Variants in MARCHF1 observed in about 807,000 individuals in gnomAD.
MARCHF1 encodes the protein membrane associated ring-CH-type finger 1.
In MARCHF1, 40 loss-of-function variants were observed where a neutral mutation model predicts 54.2. The ratio of observed to expected loss-of-function variants is 0.74; its 90% CI spans 0.57 to 0.96. MARCHF1 has a LOEUF of 0.96. Ranked by LOEUF, MARCHF1 falls within the 40% of genes least tolerant of loss-of-function variation. The probability of loss-of-function intolerance (pLI) is 0.00; values close to 1 mark genes in which losing one functional copy is unlikely to be tolerated. For synonymous variants in MARCHF1, 236 were observed against 236.3 expected, an observed-to-expected ratio of 1.00 and a Z score of 0.01; for missense variants, 586 against 656.5, an observed-to-expected ratio of 0.89 and a Z score of 1.17.
intron 1 of MARCHF1, among the ~76,000 whole-genome samples, chr4:164,370,766 G>T (rs868226207): frequency 6.6e-6 from 1 of 152,210 alleles, no homozygotes; most frequent in Middle Eastern, 3.4e-3. Context: ...AAATTAGCTG[G>T]GCGTGATAGC....
rs540495886 is a variant in MARCHF1 at position 163,832,526 on chromosome 4, TA to T, written c.111+21494del. Among the ~76,000 whole-genome samples the T allele has an allele frequency of 5.7e-3, 862 of 152,062 alleles. 8 individuals are homozygous for T. The highest frequency in any genetic ancestry group is 0.02 in the African/African-American group (820 of 41,518). On this transcript the variant is annotated intron_variant, in intron 4 of 9. Coordinates refer to ENST00000514618, the MANE Select transcript of MARCHF1 (RefSeq NM_001394959.1). The stretch of plus-strand genomic sequence containing the variant: ...AACTAGAAAGGTCTAGTAAAAACTC[TA>T]AAAACTTGACAAATTAAATTAGTTT...
intron 1 of MARCHF1, among the ~76,000 whole-genome samples, chr4:164,241,354 CT>C (rs1284544786): frequency 3.3e-5 from 5 of 152,280 alleles, no homozygotes; most frequent in Non-Finnish European, 7.4e-5. Flanking sequence ...TAAGCTCTTT[CT>C]TTGCTGCAAC....
chr4:163,830,470 G>A (rs1017097558), intron 4 of MARCHF1, among the ~76,000 whole-genome samples: 9 of 152,238 alleles, frequency 5.9e-5, no homozygotes, highest in Middle Eastern at 3.4e-3. Context: ...GAGAAGTAGC[G>A]CAAGAGCTGG....
chr4:163,667,517 T>C (rs1341071697), intron 5 of MARCHF1, among the ~76,000 whole-genome samples: 2 of 152,178 alleles, frequency 1.3e-5, no homozygotes, highest in African/African-American at 4.8e-5. Context: ...TCAGTTAAGA[T>C]TGGAATTATG....
intron 4 of MARCHF1, among the ~76,000 whole-genome samples, chr4:163,742,615 C>A (rs1409065689): frequency 6.6e-6 from 1 of 151,380 alleles, no homozygotes; most frequent in Non-Finnish European, 1.5e-5. Context: ...TAGCTTGGAC[C>A]ACAGGTGCAC....
At chr4:164,186,047 C>T (rs976244215) in intron 1 of MARCHF1, among the ~76,000 whole-genome samples, 7 of 152,126 alleles carry the variant, frequency 4.6e-5, no homozygotes, top group Non-Finnish European at 4.4e-5. Context: ...CGCCTGCCAC[C>T]ACAACCAGCT....
At chr4:163,550,267 G>T in intron 8 of MARCHF1, among the ~76,000 whole-genome samples, 1 of 136,168 alleles carries the variant, frequency 7.3e-6, no homozygotes, top group Admixed American at 7.7e-5. Context: ...CGGCGACAGA[G>T]CGAGACTCCG....
intron 1 of MARCHF1, among the ~76,000 whole-genome samples, chr4:164,141,130 C>T (rs576898186): frequency 2.6e-5 from 4 of 152,338 alleles, no homozygotes; most frequent in Non-Finnish European, 4.4e-5. Flanking sequence ...CTGGGGAGAA[C>T]TAATCAGCAG....
At chr4:163,616,718 A>AAC (rs139197153) in intron 5 of MARCHF1, among the ~76,000 whole-genome samples, 8,117 of 150,902 alleles carry the variant, frequency 0.054, 411 homozygotes, top group East Asian at 0.2. Flanking sequence ...TGTCTCTGAA[A>AAC]ACACACACAC....
chr4:163,882,258 T>C (rs1750432571), intron 3 of MARCHF1, among the ~76,000 whole-genome samples: 2 of 152,198 alleles, frequency 1.3e-5, no homozygotes, highest in Admixed American at 1.3e-4. Context: ...GGGTAATAAT[T>C]GGGCCAGTGA....
At chr4:163,540,721 A>G (rs1399550059) in intron 9 of MARCHF1, among the ~76,000 whole-genome samples, 1 of 152,182 alleles carries the variant, frequency 6.6e-6, no homozygotes, top group Non-Finnish European at 1.5e-5. Flanking sequence ...GTGATTAATC[A>G]TTGTATTGAA....
intron 3 of MARCHF1, among the ~76,000 whole-genome samples, chr4:163,948,194 A>G (rs1752060951): frequency 6.6e-6 from 1 of 152,042 alleles, no homozygotes; most frequent in Admixed American, 6.6e-5. Flanking sequence ...ATATCCTAAA[A>G]TGGCATCACA....
chr4:164,249,152 C>T (rs1308941473), intron 1 of MARCHF1, among the ~76,000 whole-genome samples: 1 of 151,974 alleles, frequency 6.6e-6, no homozygotes, highest in Non-Finnish European at 1.5e-5. Flanking sequence ...GAAGAAGATA[C>T]AGATTCTGCC....
chr4:164,319,885 C>A (rs1346151365), intron 1 of MARCHF1, among the ~76,000 whole-genome samples: 2 of 152,086 alleles, frequency 1.3e-5, no homozygotes, highest in East Asian at 1.9e-4. Flanking sequence ...CAGAGAATGG[C>A]AGAGAACAAA....
chr4:164,370,811 G>A (rs1731017601), intron 1 of MARCHF1, among the ~76,000 whole-genome samples: 1 of 152,146 alleles, frequency 6.6e-6, no homozygotes, highest in Non-Finnish European at 1.5e-5. Flanking sequence ...GGGAGGCTGA[G>A]ACAGGAGAAT....
chr4:164,241,026 A>T (rs867002189), intron 1 of MARCHF1, among the ~76,000 whole-genome samples: 1 of 152,150 alleles, frequency 6.6e-6, no homozygotes, highest in South Asian at 2.1e-4. Context: ...CCTATAGGTA[A>T]GACCACTATC....
chr4:163,780,134 A>G (rs1214756896), intron 4 of MARCHF1, among the ~76,000 whole-genome samples: 1 of 152,214 alleles, frequency 6.6e-6, no homozygotes, highest in Non-Finnish European at 1.5e-5. Context: ...AAGACAGGTG[A>G]AAAAGGGCCT....
chr4:163,545,663 A>G lies in MARCHF1; in HGVS notation c.1272T>C (p.Cys424=). The change falls in exon 9 of 10, where the codon TGT becomes TGC. Residue 424 remains cysteine, a synonymous_variant. Coordinates refer to ENST00000514618, the MANE Select transcript of MARCHF1 (RefSeq NM_001394959.1). ...SVTFHVIAIT[C]VVWSLYVLID... The stretch of plus-strand genomic sequence containing the variant: ...TCAATACATACAAAGACCAAACCAC[A>G]CAGGTGATCGCGATTACGTGGAATG... 4.3e-6 allele frequency: 7 copies of G among 1,614,106 alleles called. No individual in the cohort carries two copies. Among genetic ancestry groups the G allele is most frequent in the Non-Finnish European group, 5.9e-6 (7 of 1,179,980 alleles).
intron 1 of MARCHF1, among the ~76,000 whole-genome samples, chr4:164,251,468 G>A (rs1464130682): frequency 1.3e-5 from 2 of 152,112 alleles, no homozygotes; most frequent in South Asian, 4.1e-4. Flanking sequence ...ATCCTGCACA[G>A]CCCCACAGAT....
Sources: allele counts gnomAD v4.1 joint callset (sites outside exome capture counted in the v4.1 genomes callset), GRCh38; gene constraint gnomAD v4.1.1; transcripts MANE v1.5; gene names NCBI Gene and HGNC (gene_info 2026-07-23, HGNC 2026-07-21).